Variants in LIMS2 observed in about 807,000 individuals in gnomAD.
LIMS2 encodes LIM zinc finger domain containing 2.
A neutral mutation model predicts 45.3 loss-of-function variants in LIMS2; 30 were observed. The observed-to-expected ratio is 0.66, with a 90% CI of 0.50 to 0.90. The LOEUF (loss-of-function observed/expected upper bound fraction) is 0.90, where lower values mean the gene tolerates loss of function less well. Ranked by LOEUF, LIMS2 falls within the 40% of genes least tolerant of loss-of-function variation. LIMS2 has a pLI of 0.00. For synonymous variants in LIMS2, 173 were observed against 188.0 expected (o/e 0.92, Z 0.65); for missense variants, 485 against 468.7 (o/e 1.03, Z -0.32).
chr2:127,654,373 G>C, intron 4 of LIMS2, 51 bp downstream of exon 4: 1 of 1,611,824 alleles, frequency 6.2e-7, no homozygotes, highest in Non-Finnish European at 8.5e-7. Flanking sequence ...TGGCAGGTGT[G>C]CCAGGAAGGG....
rs1685283241 is a variant in LIMS2, at chr2:127,671,831, C to T, written c.11+3183G>A. Among the ~76,000 whole-genome samples the T allele has an allele frequency of 6.6e-6, 1 of 152,246 alleles. No homozygotes were observed. Among genetic ancestry groups the T allele is most frequent in the African/African-American group, 2.4e-5 (1 of 41,470 alleles). On this transcript the variant is annotated intron_variant, in intron 1 of 9. Coordinates refer to ENST00000355119, the MANE Select transcript of LIMS2 (RefSeq NM_001161403.3). This position sits in a 1 kb window ranked among gnomAD's most constrained non-coding sequence, Gnocchi z 4.1. ...TGGTGCCACATCACAAGCCACATCA[C>T]TTGTTACCCACTTTACAGTTTGCTT...
intron 4 of LIMS2, chr2:127,651,189 T>C (rs759770800): frequency 1.9e-6 from 3 of 1,611,332 alleles, no homozygotes; most frequent in South Asian, 2.2e-5. Context: ...ACACCTGGCC[T>C]GTGCCTTCCT....
At chr2:127,650,084 A>T in intron 4 of LIMS2, 2 of 1,600,528 alleles carry the variant, frequency 1.2e-6, no homozygotes, top group Non-Finnish European at 1.7e-6. Context: ...AGGTGGGTAA[A>T]AAGAGTAGAC....
At chr2:127,650,986 T>A (rs1683706123) in intron 4 of LIMS2, 10 of 1,613,832 alleles carry the variant, frequency 6.2e-6, no homozygotes, top group Non-Finnish European at 8.5e-6. Context: ...GTGCTGGTCC[T>A]GCCCACCCGC....
At chr2:127,659,849 C>T (rs553155686) in intron 1 of LIMS2, among the ~76,000 whole-genome samples, 1 of 152,362 alleles carries the variant, frequency 6.6e-6, no homozygotes, top group Admixed American at 6.5e-5. Context: ...TGTTTAGGGC[C>T]TGCACCCACA....
intron 6 of LIMS2, 181 bp downstream of exon 6, chr2:127,641,868 C>T (rs999760426): frequency 3.0e-5 from 19 of 643,398 alleles, no homozygotes; most frequent in Middle Eastern, 4.4e-4. Flanking sequence ...TCCTGGCTCC[C>T]GTGGGCAGGC....
chr2:127,661,403 C>T (rs868782092), intron 1 of LIMS2, among the ~76,000 whole-genome samples: 1 of 152,238 alleles, frequency 6.6e-6, no homozygotes, highest in Non-Finnish European at 1.5e-5. Flanking sequence ...ACTCTGGGAG[C>T]CTTCCAGAGT....
intron 1 of LIMS2, 71 bp downstream of exon 1, chr2:127,674,943 C>T (rs1191390040): frequency 3.3e-6 from 4 of 1,224,714 alleles, no homozygotes; most frequent in East Asian, 6.4e-5. Context: ...TGTACGAGGG[C>T]GAGCTGCGCC....
At position 127,642,460 on chromosome 2, in the gene LIMS2, GC is replaced by G. The variant is rs1244434478; in HGVS notation, c.510-262del. ...CTCTGAGAAGCAGGTCTGTTCTTGGGCCCCCCTCCTCCTCCAAACCAGAGGG... is the reference window on the plus strand; with the variant it reads ...CTCTGAGAAGCAGGTCTGTTCTTGGGCCCCCTCCTCCTCCAAACCAGAGGG... On this transcript the variant is annotated intron_variant, in intron 5 of 9. Transcript: ENST00000355119. This position sits in a 1 kb window ranked among gnomAD's most constrained non-coding sequence, Gnocchi z 5.3. The G allele has an allele frequency of 1.2e-5, 5 of 400,990 alleles. No individual in the cohort carries two copies. Among genetic ancestry groups the G allele is most frequent in the Non-Finnish European group, 1.8e-5 (4 of 226,502 alleles). 24.8% of individuals were successfully genotyped at this position (400,990 alleles called of 1,614,324 possible).
rs763162274 is a variant in LIMS2 at position 127,654,412 on chromosome 2, C to T, written c.359+12G>A. Reference sequence around the variant, plus strand: ...TGGCCCAGTCCTCTCTGGCCCAACACGGCCACCTCACCTGCCGGCATTCTT... The same window carrying T: ...TGGCCCAGTCCTCTCTGGCCCAACATGGCCACCTCACCTGCCGGCATTCTT... On this transcript the variant is annotated intron_variant, in intron 4 of 9. Coordinates refer to ENST00000355119, the MANE Select transcript of LIMS2 (RefSeq NM_001161403.3). The T allele has an allele frequency of 2.0e-5, 32 of 1,613,786 alleles. No individual in the cohort carries two copies. Among genetic ancestry groups the T allele is most frequent in the Middle Eastern group, 3.3e-4 (2 of 6,068 alleles).
At chr2:127,660,488 G>A (rs538813657) in intron 1 of LIMS2, among the ~76,000 whole-genome samples, 12 of 152,200 alleles carry the variant, frequency 7.9e-5, no homozygotes, top group East Asian at 5.8e-4. Context: ...GGGAGGAATC[G>A]TTTCGAGGAA....
intron 4 of LIMS2, chr2:127,650,987 G>A (rs970578029): frequency 3.1e-6 from 5 of 1,613,668 alleles, no homozygotes; most frequent in Admixed American, 1.7e-5. Flanking sequence ...TGCTGGTCCT[G>A]CCCACCCGCC....
rs1683983729 is a variant in LIMS2 at position 127,653,260 on chromosome 2, G to A, written c.359+1164C>T. Among the ~76,000 whole-genome samples, 1 of 152,220 alleles carries A rather than the reference G, an allele frequency of 6.6e-6. No homozygotes were observed. Among genetic ancestry groups the A allele is most frequent in the East Asian group, 1.9e-4 (1 of 5,194 alleles). Reference sequence around the variant, plus strand: ...GGAGCAGAGTGCCCGGACAGAGAGAGTGTGGCAGGGGAAGCATGGCTGGGG... The same window carrying A: ...GGAGCAGAGTGCCCGGACAGAGAGAATGTGGCAGGGGAAGCATGGCTGGGG... On this transcript the variant is annotated intron_variant, in intron 4 of 9. Transcript: ENST00000355119. The surrounding 1 kb of genome is among the most constrained non-coding windows in gnomAD (Gnocchi z 5.3).
chr2:127,641,072 A>T, intron 6 of LIMS2, 84 bp from the exon 7 acceptor site: 2 of 1,089,458 alleles, frequency 1.8e-6, no homozygotes, highest in Non-Finnish European at 2.8e-6. Context: ...GACAACAGTG[A>T]CCCCAGGAGC....
In LIMS2 at chr2:127,667,179, T is replaced by C. The variant is rs1327024767; in HGVS notation, c.11+7835A>G. ...GGTGGCACATGCCTATAATCCCAGC[T>C]ACTCAGGAGGCTGAGGCAGGAGAAT... On this transcript the variant is annotated intron_variant, in intron 1 of 9. Coordinates refer to ENST00000355119, the MANE Select transcript of LIMS2 (RefSeq NM_001161403.3). The surrounding 1 kb of genome is among the most constrained non-coding windows in gnomAD (Gnocchi z 4.1). Among the ~76,000 whole-genome samples the C allele has an allele frequency of 6.6e-6, 1 of 152,178 alleles. No individual in the cohort carries two copies. Among genetic ancestry groups the C allele is most frequent in the Non-Finnish European group, 1.5e-5 (1 of 68,040 alleles).
Position 127,638,707 on chromosome 2 carries a change from T to C in LIMS2, c.*574A>G, listed in dbSNP as rs1345096313. On this transcript the variant is annotated 3_prime_UTR_variant, in exon 10 of 10. Transcript: ENST00000355119. ...GGGTCCTGTCCCTCCAGGTAGCTTG[T>C]GGGTGTGGACAGCAGGACTTGCTGG... 2 of 152,786 alleles carry C rather than the reference T, an allele frequency of 1.3e-5. No homozygotes were observed. Among genetic ancestry groups the C allele is most frequent in the African/African-American group, 4.8e-5 (2 of 41,416 alleles). 9.5% of individuals were successfully genotyped at this position (152,786 alleles called of 1,614,324 possible). A position where few individuals can be genotyped will look rare whatever the true frequency, so the allele number is the denominator to read the frequency against.
Position 127,668,690 on chromosome 2 carries a change from AAAAAAAAAAAAAAAAAAAAAAC to A in LIMS2, c.11+6302_11+6323del, listed in dbSNP as rs1402434826. The stretch of plus-strand genomic sequence containing the variant: ...TCTCAAAAAAAAAAAAAAAAAAAAA[AAAAAAAAAAAAAAAAAAAAAAC>A]ACCTTACTTAAAAATTACAATTTAC... On this transcript the variant is annotated intron_variant, in intron 1 of 9. Transcript: ENST00000355119. 1.1e-3 allele frequency among the ~76,000 whole-genome samples: 146 copies of A among 133,254 alleles called. 1 individual carries two copies. The highest frequency in any genetic ancestry group is 4.4e-3 in the African/African-American group (142 of 31,958). The allele number at this position is 133,254 out of a possible 152,430, so 87.4% of individuals were successfully genotyped here.
Position 127,664,473 on chromosome 2 carries a change from G to A in LIMS2, c.12-6911C>T, listed in dbSNP as rs1475161931. 3 of 1,178,772 alleles carry A rather than the reference G, an allele frequency of 2.5e-6. No individual in the cohort carries two copies. The highest frequency in any genetic ancestry group is 7.5e-5 in the East Asian group (2 of 26,668). 73.0% of individuals were successfully genotyped at this position (1,178,772 alleles called of 1,614,324 possible). A position where few individuals can be genotyped will look rare whatever the true frequency, so the allele number is the denominator to read the frequency against. On this transcript the variant is annotated intron_variant, in intron 1 of 9. Transcript: ENST00000355119. The surrounding 1 kb of genome is among the most constrained non-coding windows in gnomAD (Gnocchi z 5.5). ...ACCACCTCGGAGGGGAGGCGCGGCCGCCTGGGGCCAGACACCAAGACGGGA... is the reference window on the plus strand; with the variant it reads ...ACCACCTCGGAGGGGAGGCGCGGCCACCTGGGGCCAGACACCAAGACGGGA...
chr2:127,654,879 G>A lies in LIMS2; in HGVS notation c.189C>T (p.Tyr63=), dbSNP rs35765118. Residue 63 remains tyrosine, a synonymous_variant, in exon 3 of 10, where the codon TAC becomes TAT. Transcript: ENST00000355119. ...GLFYEFEGRK[Y]CEHDFQMLFA... is the part of the protein sequence containing the mutation. Reference sequence around the variant, plus strand: ...ACAGCATTTGGAAGTCGTGTTCGCAGTACTTCCGGCCTTCAAACTGCAAAG... The same window carrying A: ...ACAGCATTTGGAAGTCGTGTTCGCAATACTTCCGGCCTTCAAACTGCAAAG... 0.016 allele frequency: 26,596 copies of A among 1,614,018 alleles called. 275 individuals are homozygous for A. Among genetic ancestry groups the A allele is most frequent in the African/African-American group, 0.044 (3,278 of 75,050 alleles).
Sources: allele counts gnomAD v4.1 joint callset (sites outside exome capture counted in the v4.1 genomes callset), GRCh38; gene constraint gnomAD v4.1.1; non-coding constraint Gnocchi (gnomAD v3.1); transcripts MANE v1.5; gene names NCBI Gene and HGNC (gene_info 2026-07-23, HGNC 2026-07-21).